Variants in SP110 observed in about 807,000 individuals in gnomAD.
SP110 encodes the protein SP110 nuclear body protein.
A neutral mutation model predicts 92.7 loss-of-function variants in SP110; 62 were observed. The observed-to-expected ratio is 0.67, with a 90% CI of 0.55 to 0.83. SP110 has a LOEUF of 0.83. Ranked by LOEUF, SP110 falls within the 40% of genes least tolerant of loss-of-function variation. SP110 has a pLI of 0.00. For synonymous variants in SP110, 273 were observed against 305.3 expected (o/e 0.89, Z 1.10); for missense variants, 793 against 863.9 (o/e 0.92, Z 1.03).
At chr2:230,186,622 T>G (rs2042373801) in intron 10 of SP110, among the ~76,000 whole-genome samples, 1 of 152,214 alleles carries the variant, frequency 6.6e-6, no homozygotes, top group African/African-American at 2.4e-5. Flanking sequence ...TAGTGTACAT[T>G]GTACCCAATA....
At chr2:230,192,732 T>C (rs7603350) in intron 10 of SP110, among the ~76,000 whole-genome samples, 116,214 of 152,166 alleles carry the variant, frequency 0.76, 44,504 homozygotes, top group Admixed American at 0.83. Flanking sequence ...TTCAATGTTA[T>C]TCCCATCAAA....
At chr2:230,215,728 G>A (rs2045081048) in intron 2 of SP110, among the ~76,000 whole-genome samples, 1 of 152,226 alleles carries the variant, frequency 6.6e-6, no homozygotes, top group Non-Finnish European at 1.5e-5. Context: ...ACACAGCACT[G>A]AATAAGACCA....
intron 10 of SP110, among the ~76,000 whole-genome samples, chr2:230,193,155 G>C (rs1016307721): frequency 3.9e-5 from 6 of 152,032 alleles, no homozygotes. Context: ...TGTTTTATCT[G>C]ATATGAGAAA....
rs1011932801 is a variant in SP110 at position 230,210,023 on chromosome 2, A to G, written c.752-15T>C. On this transcript the variant is annotated splice_polypyrimidine_tract_variant and intron_variant, in intron 6 of 18. Coordinates refer to ENST00000258381, the MANE Select transcript of SP110 (RefSeq NM_080424.4). The stretch of plus-strand genomic sequence containing the variant: ...ATCTCTTATCTCTGACAAAAGAAAT[A>G]TAAGTCATTTCAGAGCTCAGATCCA... The G allele has an allele frequency of 1.3e-6, 2 of 1,518,734 alleles. No individual in the cohort carries two copies. The highest frequency in any genetic ancestry group is 2.2e-5 in the South Asian group (2 of 89,216). 94.1% of individuals were successfully genotyped at this position (1,518,734 alleles called of 1,614,324 possible). A position where few individuals can be genotyped will look rare whatever the true frequency, so the allele number is the denominator to read the frequency against.
At position 230,169,154 on chromosome 2, in the gene SP110, G is replaced by A. The variant is rs144066858; in HGVS notation, c.2112C>T (p.Ala704=). 2.4e-5 allele frequency: 38 copies of A among 1,613,426 alleles called. No individual in the cohort carries two copies. The African/African-American group carries it at 5.1e-4, about 22-fold the overall frequency. ...DLKDVLGFHE[A]NDGGFWTLP The stretch of plus-strand genomic sequence containing the variant: ...GAAGAGTCCAGAAACCGCCGTCATT[G>A]GCTTCATGAAAACCGAGCACGTCTT... The change falls in exon 19 of 19, where the codon GCC becomes GCT. Residue 704 remains alanine, a synonymous_variant. Transcript: ENST00000258381.
At chr2:230,222,334 T>A (rs1397303208), upstream of SP110, among the ~76,000 whole-genome samples, 1 of 152,076 alleles carries the variant, frequency 6.6e-6, no homozygotes, top group Non-Finnish European at 1.5e-5. Flanking sequence ...AAATTATACA[T>A]AATTCTTTTT....
intron 11 of SP110, among the ~76,000 whole-genome samples, chr2:230,184,667 T>C (rs1437674107): frequency 6.7e-6 from 1 of 149,420 alleles, no homozygotes; most frequent in East Asian, 2.0e-4. Context: ...AAACTAATAA[T>C]TATAACAAAG....
intron 18 of SP110, among the ~76,000 whole-genome samples, chr2:230,170,064 C>T (rs1025517160): frequency 2.6e-5 from 4 of 152,148 alleles, no homozygotes; most frequent in Non-Finnish European, 4.4e-5. Context: ...GGATAAAAAT[C>T]AGGAAAAACC....
chr2:230,180,264 C>T (rs906686785), intron 12 of SP110, among the ~76,000 whole-genome samples: 8 of 152,096 alleles, frequency 5.3e-5, no homozygotes, highest in Non-Finnish European at 1.0e-4. Context: ...TGAGGAATAG[C>T]GGCATGGTAA....
chr2:230,225,373 C>T (rs933713262), intron 1 of SP110, among the ~76,000 whole-genome samples: 1 of 152,196 alleles, frequency 6.6e-6, no homozygotes, highest in African/African-American at 2.4e-5. Context: ...TGTCCAAACA[C>T]TGGGCCTAAG....
At chr2:230,175,940 G>C (rs2041837236) in intron 14 of SP110, among the ~76,000 whole-genome samples, 1 of 109,796 alleles carries the variant, frequency 9.1e-6, no homozygotes. Flanking sequence ...TCATGCTGCA[G>C]CATTCTTTTT....
upstream of SP110, among the ~76,000 whole-genome samples, chr2:230,223,528 C>T (rs1315951441): frequency 1.3e-5 from 2 of 151,442 alleles, no homozygotes; most frequent in East Asian, 3.8e-4. Context: ...TAGCCAGAGT[C>T]AGTTTGGATT....
chr2:230,169,377 T>G (rs2078373028), intron 18 of SP110, 140 bp from the exon 19 acceptor site: 1 of 685,730 alleles, frequency 1.5e-6, no homozygotes, highest in Admixed American at 2.0e-5. Context: ...GGCACCGTCA[T>G]GGCTCACTGC....
chr2:230,190,452 A>G (rs2042567803), intron 10 of SP110, among the ~76,000 whole-genome samples: 1 of 151,888 alleles, frequency 6.6e-6, no homozygotes, highest in African/African-American at 2.4e-5. Flanking sequence ...AATTCTGGAT[A>G]TTAAACCTTT....
chr2:230,171,371 C>T (rs1215400367), intron 17 of SP110: 9 of 380,782 alleles, frequency 2.4e-5, no homozygotes, highest in South Asian at 9.0e-5. Context: ...GGATTACAGG[C>T]GTGAGCCGCT....
chr2:230,212,692 T>C (rs981029034), intron 4 of SP110, 69 bp downstream of exon 4: 7 of 1,579,736 alleles, frequency 4.4e-6, no homozygotes, highest in Middle Eastern at 2.0e-4. Context: ...GATGCTGGGA[T>C]TGGCGGCAAC....
intron 9 of SP110, 126 bp downstream of exon 9, chr2:230,202,453 A>C: frequency 5.4e-5 from 41 of 755,406 alleles, no homozygotes; most frequent in Non-Finnish European, 6.0e-5. Flanking sequence ...GTTATACCCC[A>C]TCCTCATTCT....
intron 13 of SP110, 62 bp downstream of exon 13, chr2:230,178,095 T>A: frequency 1.0e-6 from 1 of 993,474 alleles, no homozygotes; most frequent in South Asian, 1.3e-5. Context: ...ACGGGTATTT[T>A]CCTCCCTTCT....
chr2:230,195,825 C>A (rs2042844818), intron 10 of SP110, among the ~76,000 whole-genome samples: 1 of 151,478 alleles, frequency 6.6e-6, no homozygotes, highest in Admixed American at 6.6e-5. Flanking sequence ...CAAAAAACAC[C>A]CCGACACTAT....
Sources: allele counts gnomAD v4.1 joint callset (sites outside exome capture counted in the v4.1 genomes callset), GRCh38; gene constraint gnomAD v4.1.1; transcripts MANE v1.5; gene names NCBI Gene and HGNC (gene_info 2026-07-23, HGNC 2026-07-21).